RAB11FIP3: variants seen among roughly 807,000 people sequenced by gnomAD.
RAB11FIP3 encodes the protein RAB11 family interacting protein 3.
RAB11FIP3 carries 17 observed loss-of-function variants against 77.8 expected under a neutral mutation model. That is an observed-to-expected ratio of 0.22 (90% CI 0.15 to 0.33). The LOEUF is 0.33. Ranked by LOEUF, RAB11FIP3 falls within the 10% of genes least tolerant of loss-of-function variation. The pLI is 1.00. For missense variants in RAB11FIP3, 1,005 were observed against 1,011.2 expected, an observed-to-expected ratio of 0.99 and a Z score of 0.08; for synonymous variants, 437 against 448.2, an observed-to-expected ratio of 0.98 and a Z score of 0.31.
intron 4 of RAB11FIP3, among the ~76,000 whole-genome samples, chr16:484,037 C>T (rs1318902901): frequency 1.3e-5 from 2 of 152,108 alleles, no homozygotes; most frequent in South Asian, 2.1e-4. Flanking sequence ...GGCGGCATCA[C>T]GGGCTGTTAG....
intron 8 of RAB11FIP3, among the ~76,000 whole-genome samples, chr16:508,847 C>T (rs975139276): frequency 6.6e-6 from 1 of 152,014 alleles, no homozygotes; most frequent in South Asian, 2.1e-4. Flanking sequence ...CTAATTTTAT[C>T]TTTCTGTTCT....
intron 2 of RAB11FIP3, among the ~76,000 whole-genome samples, chr16:462,537 G>C: frequency 6.6e-6 from 1 of 151,982 alleles, no homozygotes; most frequent in South Asian, 2.1e-4. Context: ...CACCGTGCCT[G>C]GCCAGTTTCA....
chr16:496,976 T>C, intron 6 of RAB11FIP3, 117 bp downstream of exon 6: 5 of 1,133,124 alleles, frequency 4.4e-6, no homozygotes, highest in Non-Finnish European at 6.3e-6. Context: ...TCTTGCAAGT[T>C]ACTTTACATG....
rs115688753 is a variant in RAB11FIP3 at position 437,651 on chromosome 16, C to T, written c.714+10931C>T. Among the ~76,000 whole-genome samples the T allele has an allele frequency of 6.1e-3, 912 of 150,558 alleles. 9 individuals carry two copies. Among genetic ancestry groups the T allele is most frequent in the African/African-American group, 0.021 (858 of 40,918 alleles). On this transcript the variant is annotated intron_variant, in intron 1 of 13. Transcript: ENST00000262305. ...AGTGATAAATGTTGAAGATGAGAGA[C>T]GTGCCAAGTACACTGAACTGATAAC...
rs561322262 is a variant in RAB11FIP3, at chr16:443,597, G to A, written c.714+16877G>A. ...GTTGTTGTTGTTGAGAGGGAGTCTCGCTCTGTCGCCCAGGCTGGAGTGCAG... is the reference window on the plus strand; with the variant it reads ...GTTGTTGTTGTTGAGAGGGAGTCTCACTCTGTCGCCCAGGCTGGAGTGCAG... On this transcript the variant is annotated intron_variant, in intron 1 of 13. Transcript: ENST00000262305. Among the ~76,000 whole-genome samples, 9 of 152,234 alleles carry A rather than the reference G, an allele frequency of 5.9e-5. No homozygotes were observed. The East Asian group carries it at 9.7e-4, about 16-fold the overall frequency.
intron 3 of RAB11FIP3, among the ~76,000 whole-genome samples, chr16:480,286 C>CAAAAAAAAAAAAAA (rs56228402): frequency 7.5e-5 from 6 of 80,022 alleles, no homozygotes; most frequent in East Asian, 7.5e-4. Flanking sequence ...ACTCCTTCTC[C>CAAAAAAAAAAAAAA]AAAAAAAAAA....
intron 1 of RAB11FIP3, among the ~76,000 whole-genome samples, chr16:430,202 A>G (rs2055014674): frequency 6.6e-6 from 1 of 152,174 alleles, no homozygotes; most frequent in Admixed American, 6.6e-5. Context: ...TGACCCCTTC[A>G]TACTGAGAGG....
At chr16:488,756 T>C (rs2029908495) in intron 4 of RAB11FIP3, 95 bp from the exon 5 acceptor site, 1 of 1,297,138 alleles carries the variant, frequency 7.7e-7, no homozygotes, top group East Asian at 2.5e-5. Flanking sequence ...CACGTGTGGC[T>C]TGTAGCACAC....
Position 514,649 on chromosome 16 carries a change from T to C in RAB11FIP3, c.1640+3849T>C, listed in dbSNP as rs568184465. On this transcript the variant is annotated intron_variant, in intron 9 of 13. Transcript: ENST00000262305. The surrounding 1 kb of genome is among the most constrained non-coding windows in gnomAD (Gnocchi z 4.6). ...GCTGTACGAAGGTCACAGGCAGAGATCTGAATCTCAGGACACAGGGCCCGG... is the reference window on the plus strand; with the variant it reads ...GCTGTACGAAGGTCACAGGCAGAGACCTGAATCTCAGGACACAGGGCCCGG... Among the ~76,000 whole-genome samples, 328 of 152,160 alleles carry C rather than the reference T, an allele frequency of 2.2e-3. 5 individuals are homozygous for C. Among genetic ancestry groups the C allele is most frequent in the African/African-American group, 7.6e-3 (315 of 41,496 alleles).
At chr16:457,198 AGG>A (rs2055518360) in intron 1 of RAB11FIP3, among the ~76,000 whole-genome samples, 1 of 152,172 alleles carries the variant, frequency 6.6e-6, no homozygotes, top group Non-Finnish European at 1.5e-5. Flanking sequence ...GAATCCTGGG[AGG>A]AGTCTCTGGG....
Position 482,348 on chromosome 16 carries a change from G to A in RAB11FIP3, c.904-177G>A, listed in dbSNP as rs191485387. On this transcript the variant is annotated intron_variant, in intron 3 of 13. Transcript: ENST00000262305. ...TGGGATTACAGGCGTGAGTCACCGC[G>A]CCCAGCCTGAATTGTGTTTTATAAG... 1,076 of 724,556 alleles carry A rather than the reference G, an allele frequency of 1.5e-3. 2 individuals are homozygous for A. Among genetic ancestry groups the A allele is most frequent in the Non-Finnish European group, 2.1e-3 (856 of 403,474 alleles). 44.9% of individuals were successfully genotyped at this position (724,556 alleles called of 1,614,324 possible). A position where few individuals can be genotyped will look rare whatever the true frequency, so the allele number is the denominator to read the frequency against.
At chr16:482,861 G>C (rs2056074793) in intron 4 of RAB11FIP3, 125 bp downstream of exon 4, 2 of 1,068,462 alleles carry the variant, frequency 1.9e-6, no homozygotes, top group African/African-American at 1.6e-5. Flanking sequence ...GTGGGGGTGG[G>C]GCTTGGCCCT....
Position 426,420 on chromosome 16 carries a change from G to C in RAB11FIP3, c.414G>C (p.Pro138=), listed in dbSNP as rs770503134. The part of the protein sequence containing the change: ...EPEECGPASC[P]ESAPFRLQGS... ...AGGAGTGTGGCCCCGCGAGCTGCCC[G>C]GAGAGCGCGCCTTTCCGCTTGCAGG... Residue 138 remains proline, a synonymous_variant, in exon 1 of 14, where the codon CCG becomes CCC. Transcript: ENST00000262305. The surrounding 1 kb of genome is among the most constrained non-coding windows in gnomAD (Gnocchi z 5.0). The C allele has an allele frequency of 6.3e-7, 1 of 1,583,810 alleles. No homozygotes were observed. Among genetic ancestry groups the C allele is most frequent in the South Asian group, 1.1e-5 (1 of 87,162 alleles).
intron 3 of RAB11FIP3, among the ~76,000 whole-genome samples, chr16:480,501 T>C (rs949843508): frequency 1.3e-5 from 2 of 151,672 alleles, no homozygotes; most frequent in Non-Finnish European, 1.5e-5. Flanking sequence ...ATTATATTTA[T>C]TTATTTATTT....
At chr16:469,633 G>A (rs1473345671) in intron 2 of RAB11FIP3, among the ~76,000 whole-genome samples, 3 of 151,652 alleles carry the variant, frequency 2.0e-5, no homozygotes, top group Non-Finnish European at 4.4e-5. Context: ...TAAGTGATCC[G>A]CCCGCCTCGG....
In RAB11FIP3 at chr16:461,518, G is replaced by T; in HGVS notation, c.808+21G>T. 1 of 1,597,238 alleles carries T rather than the reference G, an allele frequency of 6.3e-7. No individual in the cohort carries two copies. The highest frequency in any genetic ancestry group is 1.7e-5 in the Admixed American group (1 of 59,850). ...CGGAGGTCAGTCATCCCCGCCATGA[G>T]CTCCCACCTCCTCTCCCGTTCCTCA... On this transcript the variant is annotated intron_variant, in intron 2 of 13. Coordinates refer to ENST00000262305, the MANE Select transcript of RAB11FIP3 (RefSeq NM_014700.4). This position sits in a 1 kb window ranked among gnomAD's most constrained non-coding sequence, Gnocchi z 4.5.
intron 1 of RAB11FIP3, among the ~76,000 whole-genome samples, chr16:459,779 T>A (rs896992483): frequency 2.0e-5 from 3 of 152,098 alleles, no homozygotes; most frequent in African/African-American, 7.2e-5. Flanking sequence ...AAGGACTAAT[T>A]GAGCATTTTT....
chr16:488,976 G>C lies in RAB11FIP3; in HGVS notation c.1241G>C (p.Ser414Thr), dbSNP rs960523827. ...CTATGCAACGGGCAGCTGGGCTGCA[G>C]TGACCCCGCTTTCCTCACGCCCAGG... is the stretch of plus-strand genomic sequence containing the variant. ...ETLCNGQLGC[S>T]DPAFLTPSPT... Residue 414 changes from serine (S) to threonine (T), a missense_variant, in exon 5 of 14, where the codon AGT becomes ACT. By Grantham distance (58) the Ser-to-Thr change is moderately conservative. Around this residue, in one of 4 missense-constraint regions of RAB11FIP3, gnomAD observed 433 missense variants for 436.1 expected, o/e 0.99. Coordinates refer to ENST00000262305, the MANE Select transcript of RAB11FIP3 (RefSeq NM_014700.4). 1 of 1,613,966 alleles carries C rather than the reference G, an allele frequency of 6.2e-7. No homozygotes were observed. Among genetic ancestry groups the C allele is most frequent in the South Asian group, 1.1e-5 (1 of 91,070 alleles).
intron 4 of RAB11FIP3, 91 bp downstream of exon 4, chr16:482,827 T>G: frequency 7.4e-7 from 1 of 1,344,780 alleles, no homozygotes; most frequent in South Asian, 1.3e-5. Flanking sequence ...CTTGGAGGAG[T>G]GCGTGCTGGT....
Sources: allele counts gnomAD v4.1 joint callset (sites outside exome capture counted in the v4.1 genomes callset), GRCh38; gene constraint gnomAD v4.1.1; regional missense constraint gnomAD v4.1.1; non-coding constraint Gnocchi (gnomAD v3.1); transcripts MANE v1.5; gene names NCBI Gene and HGNC (gene_info 2026-07-23, HGNC 2026-07-21).